Variants in ASIC2 observed in about 807,000 individuals in gnomAD.
The protein encoded by ASIC2 is acid-sensing ion channel 2.
ASIC2 carries 25 observed loss-of-function variants against 57.3 expected under a neutral mutation model. The observed-to-expected ratio is 0.44, with a 90% CI of 0.32 to 0.61. The LOEUF is 0.61. ASIC2 is among the 20% of genes least tolerant of loss of function. ASIC2 has a pLI of 0.06. For missense variants in ASIC2, 641 were observed against 738.1 expected (o/e 0.87, Z 1.52); for synonymous variants, 319 against 307.5 (o/e 1.04, Z -0.39).
In ASIC2 at chr17:33,700,634, A is replaced by T. The variant is rs551381889; in HGVS notation, c.555+455344T>A. On this transcript the variant is annotated intron_variant, in intron 1 of 9. Transcript: ENST00000359872. The stretch of plus-strand genomic sequence containing the variant: ...TACTACTAATAAAGCATTCACAGGG[A>T]AGCTGGCACGTAGTAAGCAAGTAAT... Among the ~76,000 whole-genome samples, 18 of 152,354 alleles carry T rather than the reference A, an allele frequency of 1.2e-4. No homozygotes were observed. In the South Asian group the frequency reaches 3.7e-3, roughly 32 times the overall value.
intron 1 of ASIC2, among the ~76,000 whole-genome samples, chr17:33,575,242 T>C (rs1418079469): frequency 6.6e-6 from 1 of 152,186 alleles, no homozygotes; most frequent in African/African-American, 2.4e-5. Context: ...CATATGAAGG[T>C]AGAGATGCAA....
At chr17:34,114,772 C>T (rs1338822141) in intron 1 of ASIC2, among the ~76,000 whole-genome samples, 1 of 152,162 alleles carries the variant, frequency 6.6e-6, no homozygotes, top group African/African-American at 2.4e-5. Flanking sequence ...CATTATTCCC[C>T]AGAGCTCATG....
intron 1 of ASIC2, among the ~76,000 whole-genome samples, chr17:33,544,359 A>G (rs80064478): frequency 0.033 from 5,068 of 152,304 alleles, 102 homozygotes; most frequent in Middle Eastern, 0.054. Context: ...ATTTGTGTAC[A>G]AGTCTTTGTG....
At chr17:33,950,054 G>A (rs995522106) in intron 1 of ASIC2, among the ~76,000 whole-genome samples, 6 of 152,214 alleles carry the variant, frequency 3.9e-5, no homozygotes, top group African/African-American at 7.2e-5. Flanking sequence ...GGGTCTTGGA[G>A]AACAGTCCTG....
At chr17:33,778,096 A>G (rs1022657294) in intron 1 of ASIC2, among the ~76,000 whole-genome samples, 8 of 152,110 alleles carry the variant, frequency 5.3e-5, no homozygotes, top group Non-Finnish European at 1.0e-4. Context: ...TGATTCACTG[A>G]GCTACCTTGT....
chr17:33,277,360 C>G (rs1274614764), intron 1 of ASIC2, among the ~76,000 whole-genome samples: 1 of 152,200 alleles, frequency 6.6e-6, no homozygotes, highest in African/African-American at 2.4e-5. Context: ...ACCGACCTGG[C>G]TTTGGTACCA....
At chr17:33,270,156 T>C (rs1275800892) in intron 1 of ASIC2, among the ~76,000 whole-genome samples, 6 of 152,248 alleles carry the variant, frequency 3.9e-5, no homozygotes, top group African/African-American at 7.2e-5. Flanking sequence ...TAAAAATTAA[T>C]AGCTTACCTT....
chr17:33,566,195 C>A (rs1916228439), intron 1 of ASIC2, among the ~76,000 whole-genome samples: 1 of 152,168 alleles, frequency 6.6e-6, no homozygotes, highest in African/African-American at 2.4e-5. Context: ...GGGAGTTCTG[C>A]CTAGCTCAGG....
intron 1 of ASIC2, among the ~76,000 whole-genome samples, chr17:34,093,342 G>A (rs1330300379): frequency 6.6e-6 from 1 of 152,082 alleles, no homozygotes; most frequent in Admixed American, 6.5e-5. Context: ...AACTGGTTTG[G>A]GAATTGCCAA....
rs180959285 is a variant in ASIC2, at chr17:34,072,892, G to C, written c.555+83086C>G. ...TTTGGGGGCTTAGTGGATAATTTAA[G>C]AAATGTTTTTTTAACTGTGCGTGCC... is the stretch of plus-strand genomic sequence containing the variant. On this transcript the variant is annotated intron_variant, in intron 1 of 9. Coordinates refer to the ASIC2 transcript ENST00000359872. 2.1e-3 allele frequency among the ~76,000 whole-genome samples: 319 copies of C among 152,262 alleles called. 1 individual carries two copies. Among genetic ancestry groups the C allele is most frequent in the African/African-American group, 7.5e-3 (312 of 41,548 alleles).
intron 1 of ASIC2, among the ~76,000 whole-genome samples, chr17:34,075,304 A>T (rs1909594308): frequency 6.6e-6 from 1 of 152,178 alleles, no homozygotes; most frequent in African/African-American, 2.4e-5. Context: ...ATCATAGAAA[A>T]AGCCCTTTCC....
chr17:33,930,074 T>C (rs910634537), intron 1 of ASIC2, among the ~76,000 whole-genome samples: 37 of 152,194 alleles, frequency 2.4e-4, no homozygotes, highest in African/African-American at 8.4e-4. Flanking sequence ...TTCAGGTTAG[T>C]AAAAGAAAAC....
At chr17:33,714,163 T>C (rs897287293) in intron 1 of ASIC2, among the ~76,000 whole-genome samples, 1 of 152,216 alleles carries the variant, frequency 6.6e-6, no homozygotes, top group Non-Finnish European at 1.5e-5. Context: ...TTTGGTAATA[T>C]GTAAAACAAT....
At chr17:33,609,973 G>A (rs929806305) in intron 1 of ASIC2, among the ~76,000 whole-genome samples, 5 of 151,748 alleles carry the variant, frequency 3.3e-5, no homozygotes, top group East Asian at 2.0e-4. Flanking sequence ...CCTGGGAGTC[G>A]GCTTGATTGC....
At chr17:33,070,085 C>T (rs933275169) in intron 3 of ASIC2, among the ~76,000 whole-genome samples, 38 of 152,222 alleles carry the variant, frequency 2.5e-4, no homozygotes, top group African/African-American at 7.7e-4. Flanking sequence ...ATCTTTAAGT[C>T]ATCATAGTCT....
intron 1 of ASIC2, among the ~76,000 whole-genome samples, chr17:33,655,748 A>G (rs139279634): frequency 3.3e-5 from 5 of 152,344 alleles, no homozygotes; most frequent in Non-Finnish European, 1.5e-5. Context: ...TTCATGTCCA[A>G]TAAATAGAGT....
chr17:34,008,285 CA>C (rs1287133993), intron 1 of ASIC2, among the ~76,000 whole-genome samples: 1 of 152,160 alleles, frequency 6.6e-6, no homozygotes, highest in Non-Finnish European at 1.5e-5. Flanking sequence ...ATGACCCGCC[CA>C]AACTTGTTCT....
At chr17:33,604,640 C>T (rs568675221) in intron 1 of ASIC2, among the ~76,000 whole-genome samples, 200 of 152,034 alleles carry the variant, frequency 1.3e-3, no homozygotes, top group South Asian at 2.9e-3. Flanking sequence ...GAGAAAGAGG[C>T]GAGGGGGTTA....
chr17:33,019,079 T>C lies in ASIC2; in HGVS notation c.1442-1395A>G, dbSNP rs185505156. 5.9e-5 allele frequency among the ~76,000 whole-genome samples: 9 copies of C among 152,272 alleles called. No individual in the cohort carries two copies. The East Asian group carries it at 1.4e-3, about 23-fold the overall frequency. On this transcript the variant is annotated intron_variant, in intron 7 of 9. Transcript: ENST00000225823. ...CCATCACCGCTCCCTCTCATGTCTT[T>C]AATGGAGGCTTCTTGGGGACTGTGT...
Sources: gnomAD v4.1 joint callset for allele counts (sites outside exome capture counted in the v4.1 genomes callset) on GRCh38, gnomAD v4.1.1 for gene constraint, MANE v1.5 for transcripts, NCBI Gene and HGNC (gene_info 2026-07-23, HGNC 2026-07-21) for gene names.